The following YIPF7 variants were observed in gnomAD, a reference collection of about 807,000 sequenced individuals.
The protein encoded by YIPF7 is Yip1 domain family member 7.
Under a neutral mutation model 27.2 loss-of-function variants are expected in YIPF7, and 35 were observed. The observed-to-expected ratio is 1.29, with a 90% confidence interval of 0.98 to 1.70. The LOEUF is 1.70. Among genes scored for constraint, YIPF7 ranks in the 40% most tolerant of loss-of-function variants. YIPF7 has a pLI of 0.00. For missense variants in YIPF7, 358 were observed against 303.7 expected (o/e 1.18, Z -1.33); for synonymous variants, 137 against 110.4 (o/e 1.24, Z -1.51).
intron 3 of YIPF7, among the ~76,000 whole-genome samples, chr4:44,632,148 TATAA>T (rs1174347858): frequency 2.6e-5 from 4 of 152,172 alleles, no homozygotes; most frequent in Non-Finnish European, 5.9e-5. Flanking sequence ...AATAGATCTC[TATAA>T]TATTGTGGTT....
rs1178819580 is a variant in YIPF7 at position 44,650,119 on chromosome 4, G to A, written c.-1-18C>T. On this transcript the variant is annotated intron_variant, in intron 1 of 5. Transcript: ENST00000415895. ...TTGACATCCTGAAAAATAAGAGTAT[G>A]TTTTTAATAAGTTCATGAGTCAATA... 1.4e-6 allele frequency: 2 copies of A among 1,409,786 alleles called. No homozygotes were observed. The highest frequency in any genetic ancestry group is 2.0e-6 in the Non-Finnish European group (2 of 1,017,236). The allele number at this position is 1,409,786 out of a possible 1,614,324, so 87.3% of individuals were successfully genotyped here.
At chr4:44,647,398 C>A (rs1491312) in intron 2 of YIPF7, among the ~76,000 whole-genome samples, 1 of 151,998 alleles carries the variant, frequency 6.6e-6, no homozygotes, top group Non-Finnish European at 1.5e-5. Context: ...TACCCAAATA[C>A]CAATCTTATC....
At chr4:44,643,521 C>G (rs551446666) in intron 2 of YIPF7, among the ~76,000 whole-genome samples, 1 of 152,190 alleles carries the variant, frequency 6.6e-6, no homozygotes, top group East Asian at 1.9e-4. Flanking sequence ...AAGCAGGCTA[C>G]AAACAATTGC....
chr4:44,636,166 C>A lies in YIPF7; in HGVS notation c.117-81G>T, dbSNP rs1336940393. On this transcript the variant is annotated intron_variant, in intron 2 of 5. Transcript: ENST00000415895. ...AGGAGGAAAATTACAATTTTACTTA[C>A]ATGAATTCATGTAGTTTTTATGAGT... The A allele has an allele frequency of 5.1e-6, 7 of 1,371,892 alleles. No homozygotes were observed. The Admixed American group carries it at 1.0e-4, about 20-fold the overall frequency. The allele number at this position is 1,371,892 out of a possible 1,614,324, so 85.0% of individuals were successfully genotyped here.
chr4:44,629,766 G>T (rs181720692), intron 3 of YIPF7, among the ~76,000 whole-genome samples: 1 of 151,986 alleles, frequency 6.6e-6, no homozygotes, highest in Admixed American at 6.6e-5. Context: ...AAAATAATTT[G>T]GCTTCCAAAG....
At chr4:44,633,623 G>T (rs188689010) in intron 3 of YIPF7, among the ~76,000 whole-genome samples, 1 of 152,034 alleles carries the variant, frequency 6.6e-6, no homozygotes, top group Non-Finnish European at 1.5e-5. Flanking sequence ...GGAAAGAAAT[G>T]TTACTAGAAA....
intron 3 of YIPF7, among the ~76,000 whole-genome samples, chr4:44,631,679 T>C (rs1195148386): frequency 6.6e-6 from 1 of 152,190 alleles, no homozygotes; most frequent in East Asian, 1.9e-4. Context: ...AGTGCAATTA[T>C]ATATTTATTA....
intron 2 of YIPF7, among the ~76,000 whole-genome samples, chr4:44,638,610 T>C (rs761847115): frequency 6.6e-6 from 1 of 152,200 alleles, no homozygotes; most frequent in Non-Finnish European, 1.5e-5. Context: ...CCCTGTCAAA[T>C]GAATATTCTC....
At chr4:44,650,507 G>GCGCGCA (rs6148421) in intron 1 of YIPF7, among the ~76,000 whole-genome samples, 6 of 137,086 alleles carry the variant, frequency 4.4e-5, no homozygotes, top group East Asian at 2.3e-4. Flanking sequence ...GCGCGCGCGC[G>GCGCGCA]CACACACACA....
At chr4:44,634,566 T>G (rs1284652312) in intron 3 of YIPF7, among the ~76,000 whole-genome samples, 1 of 151,870 alleles carries the variant, frequency 6.6e-6, no homozygotes, top group Non-Finnish European at 1.5e-5. Flanking sequence ...ATAAAGTAAA[T>G]AAAAAGAATA....
At chr4:44,622,621 A>G (rs1336744724) in intron 5 of YIPF7, 45 bp from the exon 6 acceptor site, 1 of 1,596,862 alleles carries the variant, frequency 6.3e-7, no homozygotes, top group African/African-American at 1.4e-5. Flanking sequence ...AGTAGAAAAG[A>G]GATTATTGAG....
intron 2 of YIPF7, 34 bp downstream of exon 2, chr4:44,649,951 C>CAAAA: frequency 2.1e-6 from 2 of 931,320 alleles, no homozygotes; most frequent in Non-Finnish European, 3.1e-6. Flanking sequence ...GAGACTCTGT[C>CAAAA]AAAAAAAAAA....
upstream of YIPF7, among the ~76,000 whole-genome samples, chr4:44,654,313 T>C (rs1046477543): frequency 6.6e-6 from 1 of 152,078 alleles, no homozygotes; most frequent in Non-Finnish European, 1.5e-5. Flanking sequence ...TCATCTGTTT[T>C]AGTAATTGTT....
At chr4:44,624,466 G>A in intron 5 of YIPF7, 135 bp downstream of exon 5, 1 of 993,094 alleles carries the variant, frequency 1.0e-6, no homozygotes, top group Non-Finnish European at 1.4e-6. Context: ...CTTAATCTAT[G>A]AGTAGCTTTT....
rs370839072 is a variant in YIPF7, at chr4:44,635,911, CCTTAA to C, written c.280+6_280+10del. On this transcript the variant is annotated splice_donor_region_variant and intron_variant, in intron 3 of 5. Coordinates refer to ENST00000415895, the MANE Select transcript of YIPF7 (RefSeq NM_182592.3). ...AGCTGTACACACATTAATAACACTT[CCTTAA>C]CTTATCTTCTAGCAAAGGAGGCTCT... 5.6e-5 allele frequency: 90 copies of C among 1,613,232 alleles called. No individual in the cohort carries two copies. In the African/African-American group the frequency reaches 1.1e-3, roughly 20 times the overall value.
chr4:44,628,288 G>T (rs1431442551), intron 4 of YIPF7, among the ~76,000 whole-genome samples: 2 of 152,034 alleles, frequency 1.3e-5, no homozygotes, highest in Non-Finnish European at 2.9e-5. Context: ...GACATTATTG[G>T]CCATATTGCC....
intron 2 of YIPF7, among the ~76,000 whole-genome samples, chr4:44,644,459 G>A (rs560965513): frequency 2.6e-5 from 4 of 152,172 alleles, no homozygotes; most frequent in Non-Finnish European, 5.9e-5. Flanking sequence ...GGACAAATTT[G>A]CTTTAAGATT....
chr4:44,656,838 A>G (rs1713914353), intron 2 of YIPF7, among the ~76,000 whole-genome samples: 1 of 152,126 alleles, frequency 6.6e-6, no homozygotes, highest in Admixed American at 6.6e-5. Flanking sequence ...TTATTTTACA[A>G]TAAAAAAATA....
intron 3 of YIPF7, among the ~76,000 whole-genome samples, chr4:44,633,720 G>GAA (rs60779026): frequency 2.7e-5 from 4 of 150,392 alleles, no homozygotes; most frequent in Non-Finnish European, 4.4e-5. Flanking sequence ...CACAAGCTAG[G>GAA]AAAAAAAAAG....
Sources: allele counts gnomAD v4.1 joint callset (sites outside exome capture counted in the v4.1 genomes callset), GRCh38; gene constraint gnomAD v4.1.1; transcripts MANE v1.5; gene names NCBI Gene and HGNC (gene_info 2026-07-23, HGNC 2026-07-21).